CUL4A: variants seen among roughly 807,000 people sequenced by gnomAD.
CUL4A encodes the protein cullin 4A, also known as cullin-4A.
Under a neutral mutation model 95.5 loss-of-function variants are expected in CUL4A, and 16 were observed. That is an observed-to-expected ratio of 0.17 (90% CI 0.11 to 0.25). The LOEUF (loss-of-function observed/expected upper bound fraction) is 0.25. Among genes scored for constraint, CUL4A ranks in the 10% least tolerant of loss-of-function variants. CUL4A has a pLI of 1.00. For synonymous variants in CUL4A, 380 were observed against 353.1 expected (o/e 1.08, Z -0.85); for missense variants, 610 against 937.0 (o/e 0.65, Z 4.56).
chr13:113,220,953 C>CTACCG (rs2040875277), intron 3 of CUL4A, among the ~76,000 whole-genome samples: 1 of 152,208 alleles, frequency 6.6e-6, no homozygotes, highest in Non-Finnish European at 1.5e-5. Context: ...GAAAAAAACA[C>CTACCG]TACCGTATTA....
At chr13:113,249,371 TC>T (rs758601071) in intron 15 of CUL4A, among the ~76,000 whole-genome samples, 25 of 152,202 alleles carry the variant, frequency 1.6e-4, no homozygotes, top group African/African-American at 3.9e-4. Flanking sequence ...AGCGCTTTAT[TC>T]CATCCATGCT....
chr13:113,209,604 G>GGGCGC (rs1326680037), upstream of CUL4A: 6 of 1,016,394 alleles, frequency 5.9e-6, no homozygotes, highest in East Asian at 2.8e-4. Flanking sequence ...GCTCGGGGCG[G>GGGCGC]GGCGCGGCGG....
In CUL4A at chr13:113,264,289, G is replaced by C. The variant is rs1162208832; in HGVS notation, c.*707G>C. ...ATCTCTGTTTTAGGGTTTGGGGCTAGTGTGTTTGTGTTTCCATTCTAAGAT... is the reference window on the plus strand; with the variant it reads ...ATCTCTGTTTTAGGGTTTGGGGCTACTGTGTTTGTGTTTCCATTCTAAGAT... On this transcript the variant is annotated 3_prime_UTR_variant, in exon 20 of 20. Transcript: ENST00000375440. 1.3e-5 allele frequency: 2 copies of C among 152,180 alleles called. No individual in the cohort carries two copies. The highest frequency in any genetic ancestry group is 2.9e-5 in the Non-Finnish European group (2 of 68,038). 9.4% of individuals were successfully genotyped at this position (152,180 alleles called of 1,614,324 possible). A position where few individuals can be genotyped will look rare whatever the true frequency, so the allele number is the denominator to read the frequency against.
intron 10 of CUL4A, among the ~76,000 whole-genome samples, chr13:113,239,903 C>T (rs956311008): frequency 2.6e-5 from 4 of 152,214 alleles, no homozygotes; most frequent in African/African-American, 9.7e-5. Flanking sequence ...GACATGATCT[C>T]CTCATGCCCT....
chr13:113,235,206 C>G (rs969538985), intron 8 of CUL4A, 61 bp downstream of exon 8: 1 of 1,180,404 alleles, frequency 8.5e-7, no homozygotes, highest in African/African-American at 1.5e-5. Context: ...GTTCTCCTGG[C>G]TGGTTATTGA....
chr13:113,235,030 G>C (rs768541198), intron 7 of CUL4A, 33 bp from the exon 8 acceptor site: 1 of 1,442,160 alleles, frequency 6.9e-7, no homozygotes, highest in Non-Finnish European at 9.6e-7. Flanking sequence ...CATTCTTTTT[G>C]TTACTGATAC....
In CUL4A at chr13:113,261,518, G is replaced by T. The variant is rs115299552; in HGVS notation, c.2184+759G>T. On this transcript the variant is annotated intron_variant, in intron 19 of 19. Coordinates refer to ENST00000375440, the MANE Select transcript of CUL4A (RefSeq NM_001008895.4). ...GCCCACATTTGCCCCCTTCCCTGCA[G>T]AGGTGAGGTGCCGTCCTCAGGGCCC... Among the ~76,000 whole-genome samples the T allele has an allele frequency of 8.8e-3, 1,334 of 152,346 alleles. 22 individuals carry two copies. The highest frequency in any genetic ancestry group is 0.031 in the African/African-American group (1,285 of 41,586).
Position 113,263,640 on chromosome 13 carries a change from G to A in CUL4A, c.*58G>A. On this transcript the variant is annotated 3_prime_UTR_variant, in exon 20 of 20. Coordinates refer to ENST00000375440, the MANE Select transcript of CUL4A (RefSeq NM_001008895.4). ...CTAGAATGTACCCTCAGAGCAGGAA[G>A]CACACCTGTGCCATTTCTGGGACTC... is the stretch of plus-strand genomic sequence containing the variant. The A allele has an allele frequency of 9.3e-7, 1 of 1,076,904 alleles. No homozygotes were observed. Among genetic ancestry groups the A allele is most frequent in the Non-Finnish European group, 1.4e-6 (1 of 732,278 alleles). The allele number at this position is 1,076,904 out of a possible 1,614,324, so 66.7% of individuals were successfully genotyped here. A position where few individuals can be genotyped will look rare whatever the true frequency, so the allele number is the denominator to read the frequency against.
At position 113,262,767 on chromosome 13, in the gene CUL4A, C is replaced by G. The variant is rs539850959; in HGVS notation, c.2185-720C>G. Reference sequence around the variant, plus strand: ...TTCAAATAAAAATGTGTCACGTGATCGGGTCTGCCTCACTTATACGTGCCC... The same window carrying G: ...TTCAAATAAAAATGTGTCACGTGATGGGGTCTGCCTCACTTATACGTGCCC... On this transcript the variant is annotated intron_variant, in intron 19 of 19. Coordinates refer to ENST00000375440, the MANE Select transcript of CUL4A (RefSeq NM_001008895.4). 1.4e-4 allele frequency among the ~76,000 whole-genome samples: 21 copies of G among 152,350 alleles called. 1 individual carries two copies. The East Asian group carries it at 4.1e-3, about 29-fold the overall frequency.
At chr13:113,247,736 G>A (rs1320257107) in intron 15 of CUL4A, among the ~76,000 whole-genome samples, 1 of 152,208 alleles carries the variant, frequency 6.6e-6, no homozygotes, top group African/African-American at 2.4e-5. Flanking sequence ...ACGTGGTGCT[G>A]TCCCTTCCTG....
rs770735786 is a variant in CUL4A, at chr13:113,254,956, A to C, written c.1862A>C (p.Asp621Ala). The C allele has an allele frequency of 6.2e-7, 1 of 1,610,670 alleles. No individual in the cohort carries two copies. The highest frequency in any genetic ancestry group is 1.7e-5 in the Admixed American group (1 of 59,336). ...EEIKMATGIE[D>A]SELRRTLQSL... ...CCTGCATTTGCTTCCCATTCAGAGG[A>C]TAGTGAATTGCGCAGAACGCTGCAG... Residue 621 changes from aspartate to alanine, a missense_variant, in exon 18 of 20, where the codon GAT (aspartate) becomes GCT (alanine). Asp to Ala is a moderately radical substitution (Grantham distance 126, BLOSUM62 -2). Around this residue, in one of 10 missense-constraint regions of CUL4A, gnomAD observed 72 missense variants for 93.2 expected, o/e 0.77. Transcript: ENST00000375440.
intron 5 of CUL4A, 121 bp from the exon 6 acceptor site, chr13:113,233,056 G>C (rs753311154): frequency 9.8e-7 from 1 of 1,025,594 alleles, no homozygotes; most frequent in Middle Eastern, 2.7e-4. Flanking sequence ...TTGGCACCTA[G>C]ATGTAGAGAA....
At chr13:113,228,530 T>C (rs893460358) in intron 4 of CUL4A, among the ~76,000 whole-genome samples, 3 of 152,110 alleles carry the variant, frequency 2.0e-5, no homozygotes, top group African/African-American at 7.2e-5. Flanking sequence ...ATGATATCAG[T>C]AGGAGACGAT....
At position 113,244,563 on chromosome 13, in the gene CUL4A, A is replaced by G. The variant is rs767897299; in HGVS notation, c.1333+49A>G. On this transcript the variant is annotated intron_variant, in intron 12 of 19. Transcript: ENST00000375440. ...TGCTGCATAATCAAGAGGTGTAAACAGGCCCTGCTTTCCCAGAGGAGGTTT... is the reference window on the plus strand; with the variant it reads ...TGCTGCATAATCAAGAGGTGTAAACGGGCCCTGCTTTCCCAGAGGAGGTTT... 6 of 1,347,120 alleles carry G rather than the reference A, an allele frequency of 4.5e-6. No individual in the cohort carries two copies. The South Asian group carries it at 4.9e-5, about 11-fold the overall frequency. The allele number at this position is 1,347,120 out of a possible 1,614,324, so 83.4% of individuals were successfully genotyped here.
chr13:113,245,441 G>C (rs1022109899), intron 14 of CUL4A, among the ~76,000 whole-genome samples: 4 of 152,064 alleles, frequency 2.6e-5, no homozygotes, highest in Admixed American at 1.3e-4. Context: ...CTAGCTACTG[G>C]GGTAGGGCTG....
At chr13:113,221,194 G>T (rs1477363368) in intron 3 of CUL4A, among the ~76,000 whole-genome samples, 2 of 152,224 alleles carry the variant, frequency 1.3e-5, no homozygotes, top group African/African-American at 4.8e-5. Flanking sequence ...TGGCCCTTAG[G>T]CTGTGATGCT....
intron 3 of CUL4A, among the ~76,000 whole-genome samples, chr13:113,226,877 T>C (rs1425887665): frequency 6.6e-6 from 1 of 152,156 alleles, no homozygotes; most frequent in Non-Finnish European, 1.5e-5. Context: ...AAAATAGTCC[T>C]AGTGACTCTT....
intron 4 of CUL4A, among the ~76,000 whole-genome samples, chr13:113,228,799 G>C (rs545186729): frequency 1.3e-5 from 2 of 152,054 alleles, no homozygotes; most frequent in Non-Finnish European, 2.9e-5. Context: ...CCCTAATCTA[G>C]TAAGAAGTAG....
chr13:113,242,161 G>C (rs2041732524), intron 10 of CUL4A, among the ~76,000 whole-genome samples: 1 of 151,974 alleles, frequency 6.6e-6, no homozygotes, highest in Non-Finnish European at 1.5e-5. Flanking sequence ...GCTGGGCGTG[G>C]TGGTGTGCAC....
Sources: gnomAD v4.1 joint callset for allele counts (sites outside exome capture counted in the v4.1 genomes callset) on GRCh38, gnomAD v4.1.1 for gene constraint, gnomAD v4.1.1 regional missense constraint, MANE v1.5 for transcripts, NCBI Gene and HGNC (gene_info 2026-07-23, HGNC 2026-07-21) for gene names.